THSD4: variants seen among roughly 807,000 people sequenced by gnomAD.
THSD4 encodes the protein thrombospondin type-1 domain-containing protein 4.
In THSD4, 69 loss-of-function variants were observed where a neutral mutation model predicts 119.0. The ratio of observed to expected loss-of-function variants is 0.58; its 90% CI spans 0.48 to 0.71. THSD4 has a LOEUF of 0.71. Among genes scored for constraint, THSD4 ranks in the 30% least tolerant of loss-of-function variants. The pLI, the probability that THSD4 is intolerant of heterozygous loss-of-function variation, is 0.00. For missense variants in THSD4, 1,393 were observed against 1,391.1 expected, an observed-to-expected ratio of 1.00 and a Z score of -0.02; for synonymous variants, 524 against 540.4, an observed-to-expected ratio of 0.97 and a Z score of 0.42.
intron 6 of THSD4, among the ~76,000 whole-genome samples, chr15:71,265,212 A>G (rs1413696637): frequency 6.6e-6 from 1 of 152,098 alleles, no homozygotes; most frequent in Non-Finnish European, 1.5e-5. Context: ...AGCAAGATCA[A>G]TGCAGAAGGC....
intron 8 of THSD4, among the ~76,000 whole-genome samples, chr15:71,661,867 G>A (rs910269171): frequency 1.3e-5 from 2 of 152,128 alleles, no homozygotes; most frequent in Non-Finnish European, 2.9e-5. Context: ...TATTCTTAAT[G>A]TGTTGCAAGC....
At chr15:71,198,082 C>G (rs779837135) in intron 3 of THSD4, among the ~76,000 whole-genome samples, 2 of 152,100 alleles carry the variant, frequency 1.3e-5, no homozygotes, top group Non-Finnish European at 2.9e-5. Context: ...TAGTGAGACC[C>G]TGTCTCTACG....
intron 4 of THSD4, among the ~76,000 whole-genome samples, chr15:71,240,090 G>A (rs955149512): frequency 6.6e-6 from 1 of 152,224 alleles, no homozygotes; most frequent in Non-Finnish European, 1.5e-5. Context: ...TTTAGGCAGA[G>A]CTTCCCACAA....
At chr15:71,134,321 A>G (rs28577264) in intron 1 of THSD4, among the ~76,000 whole-genome samples, 3,264 of 152,288 alleles carry the variant, frequency 0.021, 109 homozygotes, top group African/African-American at 0.074. Context: ...GGATTTCCTG[A>G]AAGGGCTGTG....
chr15:71,610,250 A>G (rs1308201394), intron 7 of THSD4, among the ~76,000 whole-genome samples: 1 of 152,184 alleles, frequency 6.6e-6, no homozygotes, highest in East Asian at 1.9e-4. Context: ...TTGCCCAGTG[A>G]GATGTGTCAT....
chr15:71,493,450 A>G (rs112622309), intron 7 of THSD4, among the ~76,000 whole-genome samples: 134 of 152,330 alleles, frequency 8.8e-4, no homozygotes, highest in African/African-American at 3.1e-3. Flanking sequence ...AGCTCCTTTC[A>G]TGTGATCTTT....
intron 6 of THSD4, among the ~76,000 whole-genome samples, chr15:71,272,865 A>T (rs1289886038): frequency 6.6e-6 from 1 of 152,212 alleles, no homozygotes; most frequent in East Asian, 1.9e-4. Flanking sequence ...CTCTGTCTCA[A>T]AAAGAAAAAA....
At chr15:71,308,917 T>C (rs941958469) in intron 6 of THSD4, among the ~76,000 whole-genome samples, 6 of 152,220 alleles carry the variant, frequency 3.9e-5, no homozygotes, top group Non-Finnish European at 7.3e-5. Context: ...TGTCCATCTT[T>C]TTAACTCTAG....
rs60508415 is a variant in THSD4, at chr15:71,193,083, G to A, written c.100-21952G>A. On this transcript the variant is annotated intron_variant, in intron 3 of 17. Coordinates refer to ENST00000261862, the MANE Select transcript of THSD4 (RefSeq NM_024817.3). Reference sequence around the variant, plus strand: ...CACAGGAATACGAATGACTTCTAGTGGGATGGGCGGGGATCCTGGGGGGAT... The same window carrying A: ...CACAGGAATACGAATGACTTCTAGTAGGATGGGCGGGGATCCTGGGGGGAT... 5.2e-3 allele frequency among the ~76,000 whole-genome samples: 795 copies of A among 152,302 alleles called. 6 individuals are homozygous for A. Among genetic ancestry groups the A allele is most frequent in the African/African-American group, 0.018 (764 of 41,562 alleles).
rs370819421 is a variant in THSD4 at position 71,706,361 on chromosome 15, A to G, written c.1358-22188A>G. Among the ~76,000 whole-genome samples, 222 of 144,886 alleles carry G rather than the reference A, an allele frequency of 1.5e-3. 1 individual carries two copies. The highest frequency in any genetic ancestry group is 5.8e-3 in the African/African-American group (212 of 36,296). ...GAACAGGAGGAGGCAGGGATGGGAGAAAAAAATGGTGTGTTTGGTTTGGGA... is the reference window on the plus strand; with the variant it reads ...GAACAGGAGGAGGCAGGGATGGGAGGAAAAAATGGTGTGTTTGGTTTGGGA... On this transcript the variant is annotated intron_variant, in intron 8 of 17. Coordinates refer to ENST00000261862, the MANE Select transcript of THSD4 (RefSeq NM_024817.3).
intron 1 of THSD4, among the ~76,000 whole-genome samples, chr15:71,121,398 G>A (rs929201920): frequency 1.3e-5 from 2 of 151,166 alleles, no homozygotes; most frequent in Non-Finnish European, 2.9e-5. Flanking sequence ...GCTGAGTCCT[G>A]AGCCTGCATC....
chr15:71,566,561 C>T (rs1034343356), intron 7 of THSD4, among the ~76,000 whole-genome samples: 1 of 152,144 alleles, frequency 6.6e-6, no homozygotes, highest in African/African-American at 2.4e-5. Context: ...TACCGTGCTG[C>T]CCCGAGAGTT....
At chr15:71,454,769 T>G (rs1320613998) in intron 7 of THSD4, among the ~76,000 whole-genome samples, 1 of 152,100 alleles carries the variant, frequency 6.6e-6, no homozygotes, top group African/African-American at 2.4e-5. Context: ...CAATCTCAGC[T>G]CTCCAAACAT....
At chr15:71,724,281 ATATATAT>A (rs1334943219) in intron 8 of THSD4, among the ~76,000 whole-genome samples, 2 of 33,234 alleles carry the variant, frequency 6.0e-5, no homozygotes, top group African/African-American at 1.5e-4. Flanking sequence ...ATATATATAT[ATATATAT>A]TTTTTTTTTC....
chr15:71,699,361 C>G lies in THSD4; in HGVS notation c.1358-29188C>G, dbSNP rs1383832537. Among the ~76,000 whole-genome samples the G allele has an allele frequency of 1.7e-4, 11 of 65,090 alleles. 2 individuals carry two copies. The allele number at this position is 65,090 out of a possible 152,430, so 42.7% of individuals were successfully genotyped here. A position where few individuals can be genotyped will look rare whatever the true frequency, so the allele number is the denominator to read the frequency against. ...CCAAGTAGCTGGGACTACAGGCGCC[C>G]GCCACTACGCCCGGCTAATTTTTTT... On this transcript the variant is annotated intron_variant, in intron 8 of 17. Coordinates refer to ENST00000261862, the MANE Select transcript of THSD4 (RefSeq NM_024817.3).
intron 7 of THSD4, among the ~76,000 whole-genome samples, chr15:71,514,695 C>T (rs1359495228): frequency 2.0e-5 from 3 of 152,020 alleles, no homozygotes; most frequent in African/African-American, 7.3e-5. Context: ...AAAAATAAAA[C>T]CTCCTATGGT....
At chr15:71,735,764 GTCT>G (rs1483922750) in intron 10 of THSD4, among the ~76,000 whole-genome samples, 3 of 136,116 alleles carry the variant, frequency 2.2e-5, no homozygotes, top group Admixed American at 7.3e-5. Context: ...CTCTCTGTCT[GTCT>G]TCTTCTCTGT....
chr15:71,199,497 G>GGT (rs1265958793), intron 3 of THSD4, among the ~76,000 whole-genome samples: 36 of 141,442 alleles, frequency 2.5e-4, no homozygotes, highest in Middle Eastern at 3.8e-3. Context: ...GGGTGTGTGT[G>GGT]GTGTGTGTGT....
At chr15:71,665,250 A>G (rs979882133) in intron 8 of THSD4, among the ~76,000 whole-genome samples, 5 of 152,096 alleles carry the variant, frequency 3.3e-5, no homozygotes, top group Admixed American at 3.3e-4. Context: ...GATTAGTGAT[A>G]TTGAGCTTTT....
Sources: gnomAD v4.1 joint callset for allele counts (sites outside exome capture counted in the v4.1 genomes callset) on GRCh38, gnomAD v4.1.1 for gene constraint, MANE v1.5 for transcripts, NCBI Gene and HGNC (gene_info 2026-07-23, HGNC 2026-07-21) for gene names.